ARHGAP32: variants seen among roughly 807,000 people sequenced by gnomAD.
The protein encoded by ARHGAP32 is Rho GTPase activating protein 32, also known as rho GTPase-activating protein 32.
ARHGAP32 carries 51 observed loss-of-function variants against 186.5 expected under a neutral mutation model. The ratio of observed to expected loss-of-function variants is 0.27; its 90% CI spans 0.22 to 0.35. The LOEUF is 0.35. ARHGAP32 is among the 10% of genes least tolerant of loss of function. ARHGAP32 has a pLI of 1.00. For synonymous variants in ARHGAP32, 950 were observed against 964.3 expected (o/e 0.99, Z 0.27); for missense variants, 2,186 against 2,623.5 (o/e 0.83, Z 3.64).
At chr11:129,143,455 G>A (rs1006520430) in intron 2 of ARHGAP32, among the ~76,000 whole-genome samples, 1 of 152,070 alleles carries the variant, frequency 6.6e-6, no homozygotes, top group Admixed American at 6.6e-5. Context: ...GTCCCGCACC[G>A]CCCCACTCCG....
intron 1 of ARHGAP32, among the ~76,000 whole-genome samples, chr11:129,262,373 T>A (rs1383136360): frequency 6.6e-6 from 1 of 152,008 alleles, no homozygotes; most frequent in East Asian, 1.9e-4. Context: ...CAGCTTTAAA[T>A]ATAGCAAAAG....
intron 2 of ARHGAP32, among the ~76,000 whole-genome samples, chr11:129,132,177 G>C (rs1404742925): frequency 2.6e-5 from 4 of 152,162 alleles, no homozygotes; most frequent in Admixed American, 6.5e-5. Flanking sequence ...TGTGGGCAAA[G>C]TCCCCAATAA....
In ARHGAP32 at chr11:128,972,869, C is replaced by A; in HGVS notation, c.3637G>T (p.Asp1213Tyr). The A allele has an allele frequency of 1.9e-6, 3 of 1,613,876 alleles. No homozygotes were observed. Among genetic ancestry groups the A allele is most frequent in the Non-Finnish European group, 2.5e-6 (3 of 1,180,006 alleles). Reference protein sequence around the residue: ...KNSMPTVSFLDQDQSPPRFYS... With the variant: ...KNSMPTVSFLYQDQSPPRFYS... ...AAACGGGGTGGAGACTGGTCCTGAT[C>A]CAAGAAGGAGACAGTTGGCATACTG... Residue 1213 changes from aspartate to tyrosine, a missense_variant, in exon 22 of 23, where the codon GAT becomes TAT. Asp to Tyr is a radical substitution (Grantham distance 160, BLOSUM62 -3). Transcript: ENST00000682385.
At chr11:129,113,562 GTT>G (rs1301623493) in intron 5 of ARHGAP32, among the ~76,000 whole-genome samples, 1 of 151,586 alleles carries the variant, frequency 6.6e-6, no homozygotes, top group Non-Finnish European at 1.5e-5. Flanking sequence ...CTTTTTCTTA[GTT>G]TTTTTCCAGA....
At chr11:128,989,516 T>TCTCACACACACA (rs369034541) in intron 12 of ARHGAP32, among the ~76,000 whole-genome samples, 285 of 139,026 alleles carry the variant, frequency 2.0e-3, no homozygotes, top group Non-Finnish European at 3.3e-3. Flanking sequence ...GTTTTTTATT[T>TCTCACACACACA]CACACACACA....
chr11:129,042,619 T>C (rs572417214), intron 10 of ARHGAP32, among the ~76,000 whole-genome samples: 1 of 152,292 alleles, frequency 6.6e-6, no homozygotes, highest in East Asian at 1.9e-4. Context: ...CTCAAGTAAG[T>C]GTTCCACCCT....
intron 10 of ARHGAP32, among the ~76,000 whole-genome samples, chr11:129,057,521 C>G (rs966671401): frequency 6.6e-6 from 1 of 151,944 alleles, no homozygotes; most frequent in Non-Finnish European, 1.5e-5. Context: ...GAATTCCTAA[C>G]CCCCAGAAAC....
intron 1 of ARHGAP32, among the ~76,000 whole-genome samples, chr11:129,169,209 G>T (rs1367037808): frequency 6.6e-6 from 1 of 151,886 alleles, no homozygotes; most frequent in African/African-American, 2.4e-5. Context: ...AAAGCCAAAG[G>T]TTGATTCTTT....
At chr11:129,018,227 A>G (rs1345185512) in intron 11 of ARHGAP32, among the ~76,000 whole-genome samples, 1 of 152,188 alleles carries the variant, frequency 6.6e-6, no homozygotes, top group African/African-American at 2.4e-5. Context: ...AACAGCCTTA[A>G]GCCAGGGCAA....
intron 1 of ARHGAP32, among the ~76,000 whole-genome samples, chr11:129,211,065 C>A (rs547437542): frequency 6.6e-6 from 1 of 152,284 alleles, no homozygotes; most frequent in East Asian, 1.9e-4. Flanking sequence ...CTTCGGCAGT[C>A]TATCAGCCTC....
chr11:129,249,152 C>T (rs146386017), intron 1 of ARHGAP32, among the ~76,000 whole-genome samples: 15 of 151,684 alleles, frequency 9.9e-5, no homozygotes, highest in Non-Finnish European at 2.1e-4. Flanking sequence ...CCTAGATAAC[C>T]AATGAGTAAA....
At chr11:129,246,165 C>T (rs1338869817) in intron 1 of ARHGAP32, among the ~76,000 whole-genome samples, 1 of 152,174 alleles carries the variant, frequency 6.6e-6, no homozygotes, top group East Asian at 1.9e-4. Flanking sequence ...TCATCTTGAG[C>T]TTGGGGAAAT....
intron 5 of ARHGAP32, among the ~76,000 whole-genome samples, chr11:129,111,756 T>C (rs1164650991): frequency 6.6e-6 from 1 of 152,074 alleles, no homozygotes; most frequent in African/African-American, 2.4e-5. Context: ...TTTTCTTTTA[T>C]TTTTTCCCCC....
chr11:129,266,851 C>T (rs1194088587), intron 1 of ARHGAP32, among the ~76,000 whole-genome samples: 1 of 152,232 alleles, frequency 6.6e-6, no homozygotes, highest in East Asian at 1.9e-4. Flanking sequence ...TTGACCGGGA[C>T]CCCAAAATCT....
At chr11:128,990,475 A>G (rs1413665010) in intron 12 of ARHGAP32, among the ~76,000 whole-genome samples, 1 of 152,180 alleles carries the variant, frequency 6.6e-6, no homozygotes, top group Non-Finnish European at 1.5e-5. Context: ...TATCTGGTCA[A>G]GTTAGCAGGG....
intron 5 of ARHGAP32, among the ~76,000 whole-genome samples, chr11:129,118,096 A>T (rs1942422246): frequency 4.6e-5 from 7 of 152,056 alleles, no homozygotes; most frequent in Admixed American, 4.6e-4. Flanking sequence ...GAATTTGGCC[A>T]AACTACTATT....
chr11:129,178,600 G>C (rs974357841), intron 1 of ARHGAP32, among the ~76,000 whole-genome samples: 1 of 151,720 alleles, frequency 6.6e-6, no homozygotes, highest in African/African-American at 2.4e-5. Context: ...CAGAGATATA[G>C]ATCAATGGAA....
At chr11:129,022,290 G>C (rs1054827201) in intron 11 of ARHGAP32, among the ~76,000 whole-genome samples, 1 of 152,080 alleles carries the variant, frequency 6.6e-6, no homozygotes, top group Non-Finnish European at 1.5e-5. Flanking sequence ...GTACTTTAAT[G>C]TCACAGTCCT....
At chr11:129,122,448 T>C (rs1942554842) in intron 5 of ARHGAP32, among the ~76,000 whole-genome samples, 1 of 151,964 alleles carries the variant, frequency 6.6e-6, no homozygotes, top group South Asian at 2.1e-4. Context: ...AAATGAAAAA[T>C]GTACTCATTA....
Sources: allele counts gnomAD v4.1 joint callset (sites outside exome capture counted in the v4.1 genomes callset), GRCh38; gene constraint gnomAD v4.1.1; transcripts MANE v1.5; gene names NCBI Gene and HGNC (gene_info 2026-07-23, HGNC 2026-07-21).